The following FCHO2 variants were observed in gnomAD, a reference collection of about 807,000 sequenced individuals.
The protein encoded by FCHO2 is FCH and mu domain containing endocytic adaptor 2.
FCHO2 carries 43 observed loss-of-function variants against 114.1 expected under a neutral mutation model. The observed-to-expected ratio is 0.38, with a 90% CI of 0.30 to 0.49. The LOEUF (loss-of-function observed/expected upper bound fraction) is 0.49, where lower values mean the gene tolerates loss of function less well. Ranked by LOEUF, FCHO2 falls within the 20% of genes least tolerant of loss-of-function variation. FCHO2 has a pLI of 0.97. For synonymous variants in FCHO2, 293 were observed against 315.2 expected (o/e 0.93, Z 0.75); for missense variants, 807 against 950.4 (o/e 0.85, Z 1.98).
chr5:72,975,415 C>A (rs1752806108), intron 2 of FCHO2, among the ~76,000 whole-genome samples: 1 of 152,040 alleles, frequency 6.6e-6, no homozygotes, highest in Non-Finnish European at 1.5e-5. Context: ...TAACTTCTGC[C>A]CCCTGGATTC....
chr5:73,037,052 A>G (rs1756546908), intron 9 of FCHO2, 91 bp from the exon 10 acceptor site: 1 of 830,110 alleles, frequency 1.2e-6, no homozygotes, highest in African/African-American at 1.8e-5. Flanking sequence ...TTATGAGCAA[A>G]TTATGTGTGA....
intron 11 of FCHO2, among the ~76,000 whole-genome samples, chr5:73,044,857 C>G (rs1346738290): frequency 6.6e-6 from 1 of 152,048 alleles, no homozygotes; most frequent in Non-Finnish European, 1.5e-5. Context: ...GTTGCCTGTT[C>G]TATTCTTGTT....
At chr5:73,068,600 C>CTA in intron 18 of FCHO2, 50 bp from the exon 19 acceptor site, 1 of 1,580,886 alleles carries the variant, frequency 6.3e-7, no homozygotes, top group Non-Finnish European at 8.6e-7. Flanking sequence ...TCTTCTCTAA[C>CTA]AAGAGAGGTA....
In FCHO2 at chr5:73,052,400, C is replaced by T. The variant is rs751628074; in HGVS notation, c.1066C>T (p.Arg356Trp). 5.6e-6 allele frequency: 9 copies of T among 1,606,546 alleles called. No homozygotes were observed. Among genetic ancestry groups the T allele is most frequent in the East Asian group, 4.5e-5 (2 of 44,758 alleles). Residue 356 changes from arginine to tryptophan, a missense_variant, in exon 13 of 26, where the codon CGG becomes TGG. By Grantham distance (101) the Arg-to-Trp change is moderately radical (BLOSUM62 -3). Coordinates refer to ENST00000430046, the MANE Select transcript of FCHO2 (RefSeq NM_138782.3). ...DSEDEEPKKY[R>W]IEIKPMHPNN... ...CGAAGATGAAGAACCAAAGAAGTATCGGATAGAAATTAAGCCTATGCATCC... is the reference window on the plus strand; with the variant it reads ...CGAAGATGAAGAACCAAAGAAGTATTGGATAGAAATTAAGCCTATGCATCC...
intron 23 of FCHO2, 74 bp from the exon 24 acceptor site, chr5:73,082,687 A>G: frequency 8.7e-7 from 1 of 1,153,786 alleles, no homozygotes; most frequent in Non-Finnish European, 1.2e-6. Context: ...AAATACACTT[A>G]TTTATTGAGG....
At chr5:72,962,768 C>T (rs899362973) in intron 1 of FCHO2, among the ~76,000 whole-genome samples, 2 of 151,990 alleles carry the variant, frequency 1.3e-5, no homozygotes, top group Non-Finnish European at 2.9e-5. Flanking sequence ...TGGTGCGAAC[C>T]TGTAGTCCCA....
At chr5:72,988,757 T>G (rs1384783936) in intron 2 of FCHO2, among the ~76,000 whole-genome samples, 1 of 152,156 alleles carries the variant, frequency 6.6e-6, no homozygotes, top group African/African-American at 2.4e-5. Context: ...TGAAGAATAA[T>G]AAAACTAAGT....
At chr5:72,965,088 G>C (rs1174983089) in intron 1 of FCHO2, among the ~76,000 whole-genome samples, 1 of 152,042 alleles carries the variant, frequency 6.6e-6, no homozygotes, top group Non-Finnish European at 1.5e-5. Context: ...ATCCACTGGG[G>C]GTTTTGAAAC....
rs1757386657 is a variant in FCHO2 at position 73,052,478 on chromosome 5, G to A, written c.1144G>A (p.Gly382Arg). ...TTTGGATGAATTAAAAGTATCTATA[G>A]GGAATATAACACTCTCCCCAGCAAT... ...ASLDELKVSI[G>R]NITLSPAISR... The change falls in exon 13 of 26, where the codon GGG (glycine) becomes AGG (arginine). Residue 382 changes from glycine (G) to arginine (R), a missense_variant. Physicochemically the swap from Gly to Arg is moderately radical, Grantham distance 125 (BLOSUM62 -2). Coordinates refer to ENST00000430046, the MANE Select transcript of FCHO2 (RefSeq NM_138782.3). The A allele has an allele frequency of 6.3e-7, 1 of 1,594,772 alleles. No homozygotes were observed. The highest frequency in any genetic ancestry group is 1.1e-5 in the South Asian group (1 of 87,772).
At chr5:73,062,575 C>T (rs1032893552) in intron 17 of FCHO2, among the ~76,000 whole-genome samples, 9 of 152,020 alleles carry the variant, frequency 5.9e-5, no homozygotes, top group African/African-American at 2.2e-4. Flanking sequence ...CATGAAAGAA[C>T]TGGTACTGAC....
At chr5:73,002,876 G>A (rs903692472) in intron 5 of FCHO2, among the ~76,000 whole-genome samples, 49 of 152,202 alleles carry the variant, frequency 3.2e-4, no homozygotes, top group African/African-American at 1.2e-3. Flanking sequence ...AGAAGGTGTG[G>A]TATCTTATTT....
intron 11 of FCHO2, among the ~76,000 whole-genome samples, chr5:73,048,955 C>T (rs1757209058): frequency 6.8e-6 from 1 of 146,672 alleles, no homozygotes; most frequent in South Asian, 2.2e-4. Flanking sequence ...CGGCTCACTG[C>T]AAGCTCCGCC....
chr5:73,076,532 G>C (rs1164806443), intron 20 of FCHO2, among the ~76,000 whole-genome samples: 1 of 152,102 alleles, frequency 6.6e-6, no homozygotes, highest in Non-Finnish European at 1.5e-5. Flanking sequence ...AAAAAAGAGG[G>C]AACAATCACA....
chr5:72,981,801 C>A (rs1364665512), intron 2 of FCHO2, among the ~76,000 whole-genome samples: 4 of 152,262 alleles, frequency 2.6e-5, no homozygotes, highest in Non-Finnish European at 4.4e-5. Context: ...TCCATCAGGT[C>A]ATCTATGTTC....
At chr5:73,019,159 A>G (rs142895197) in intron 8 of FCHO2, among the ~76,000 whole-genome samples, 1 of 152,326 alleles carries the variant, frequency 6.6e-6, no homozygotes, top group African/African-American at 2.4e-5. Flanking sequence ...TAGTGTAACC[A>G]GGCAGCTAAT....
At chr5:73,078,397 C>A in intron 22 of FCHO2, 85 bp downstream of exon 22, 3 of 1,223,472 alleles carry the variant, frequency 2.5e-6, no homozygotes, top group Non-Finnish European at 3.3e-6. Context: ...ATGTCATAGC[C>A]AAGTGAGTTT....
chr5:72,996,651 T>C (rs946875355), intron 5 of FCHO2, among the ~76,000 whole-genome samples: 14 of 149,826 alleles, frequency 9.3e-5, no homozygotes, highest in African/African-American at 3.2e-4. Context: ...GGCCCGCAAC[T>C]TCCCCGAAGC....
intron 2 of FCHO2, among the ~76,000 whole-genome samples, chr5:72,976,692 A>G (rs1247372003): frequency 6.6e-6 from 1 of 152,074 alleles, no homozygotes; most frequent in Non-Finnish European, 1.5e-5. Context: ...TTACATAGGT[A>G]TACATGTGCC....
chr5:72,965,855 A>G (rs190290329), intron 1 of FCHO2, among the ~76,000 whole-genome samples: 71 of 152,326 alleles, frequency 4.7e-4, no homozygotes, highest in Admixed American at 4.4e-3. Flanking sequence ...AAATGTAGAC[A>G]GGGTGGGAAG....
Sources: gnomAD v4.1 joint callset for allele counts (sites outside exome capture counted in the v4.1 genomes callset) on GRCh38, gnomAD v4.1.1 for gene constraint, MANE v1.5 for transcripts, NCBI Gene and HGNC (gene_info 2026-07-23, HGNC 2026-07-21) for gene names.